Variants in KDM6A observed in about 807,000 individuals in gnomAD.
KDM6A encodes the protein lysine-specific demethylase 6A.
A neutral mutation model predicts 117.6 loss-of-function variants in KDM6A; 11 were observed. The observed-to-expected ratio is 0.09, with a 90% CI of 0.06 to 0.15. The LOEUF is 0.15. KDM6A is among the 10% of genes least tolerant of loss of function. KDM6A has a pLI of 1.00. For missense variants in KDM6A, 799 were observed against 1,077.3 expected, an observed-to-expected ratio of 0.74 and a Z score of 3.62; for synonymous variants, 384 against 396.1, an observed-to-expected ratio of 0.97 and a Z score of 0.36.
Position 44,873,475 on chromosome X carries a change from G to C in KDM6A, c.-77G>C. 8.5e-7 allele frequency: 1 copy of C among 1,173,616 alleles called. No homozygotes were observed. Among genetic ancestry groups the C allele is most frequent in the Non-Finnish European group, 1.2e-6 (1 of 864,190 alleles). On this transcript the variant is annotated 5_prime_UTR_variant, in exon 1 of 30. Coordinates refer to ENST00000611820, the MANE Select transcript of KDM6A (RefSeq NM_001291415.2). ...TAAAGTTGGTGTGCTGGTCCCGCGC[G>C]CAGATTGGGGGCGTCACTGCGGGCC...
intron 17 of KDM6A, among the ~76,000 whole-genome samples, chrX:45,066,840 C>A (rs187927467): frequency 1.1e-3 from 126 of 112,008 alleles, no homozygotes; most frequent in African/African-American, 3.7e-3. Flanking sequence ...TGTAATTTAC[C>A]ATACTAAGTA....
At chrX:44,942,064 C>T (rs531771705) in intron 2 of KDM6A, among the ~76,000 whole-genome samples, 406 of 107,642 alleles carry the variant, frequency 3.8e-3, no homozygotes, top group Non-Finnish European at 3.6e-3. Context: ...GACAGAGTCT[C>T]ACTCTGTCGC....
At chrX:44,885,564 C>G (rs1265343957) in intron 2 of KDM6A, among the ~76,000 whole-genome samples, 1 of 109,025 alleles carries the variant, frequency 9.2e-6, no homozygotes, top group Non-Finnish European at 1.9e-5. Context: ...AGTAGTATAG[C>G]CAAATATTAA....
chrX:44,880,417 G>C (rs1202955042), intron 2 of KDM6A, among the ~76,000 whole-genome samples: 3 of 108,270 alleles, frequency 2.8e-5, no homozygotes, highest in African/African-American at 1.0e-4. Flanking sequence ...GAGAAGGAGG[G>C]GAGATTTTAA....
chrX:44,911,008 T>A (rs1353026275), intron 2 of KDM6A, among the ~76,000 whole-genome samples: 1 of 112,624 alleles, frequency 8.9e-6, no homozygotes, highest in African/African-American at 3.2e-5. Flanking sequence ...CAATGAGCTG[T>A]TGGGTACACC....
intron 27 of KDM6A, among the ~76,000 whole-genome samples, chrX:45,104,576 C>A (rs927556951): frequency 8.9e-6 from 1 of 111,835 alleles, no homozygotes. Context: ...TTTTCCCTAT[C>A]CTTCAATTGA....
chrX:44,947,391 A>ATT (rs145856914), intron 2 of KDM6A, among the ~76,000 whole-genome samples: 65 of 98,403 alleles, frequency 6.6e-4, no homozygotes, highest in African/African-American at 2.1e-3. Flanking sequence ...AATAATCAGA[A>ATT]TTTTTTTTTT....
At position 45,059,123 on chromosome X, in the gene KDM6A, ATAG is replaced by A. The variant is rs2044202977; in HGVS notation, c.974+25_974+27del. The A allele has an allele frequency of 1.7e-6, 2 of 1,191,304 alleles. No individual in the cohort carries two copies. The highest frequency in any genetic ancestry group is 1.1e-6 in the Non-Finnish European group (1 of 876,981). On this transcript the variant is annotated intron_variant, in intron 11 of 29. Transcript: ENST00000611820. ...CAATAGGGTAAGCCTTTGTATAAAAATAGTAGTAATTTAATTGATATACAAAGA... is the reference window on the plus strand; with the variant it reads ...CAATAGGGTAAGCCTTTGTATAAAAATAGTAATTTAATTGATATACAAAGA...
At chrX:44,925,096 G>A (rs905504898) in intron 2 of KDM6A, among the ~76,000 whole-genome samples, 1 of 111,621 alleles carries the variant, frequency 9.0e-6, no homozygotes, top group African/African-American at 3.3e-5. Context: ...AATCGTATCC[G>A]GGTTCTAGGG....
chrX:45,045,588 GAAAA>G (rs569636939), intron 8 of KDM6A, among the ~76,000 whole-genome samples: 5 of 35,672 alleles, frequency 1.4e-4, no homozygotes, highest in Admixed American at 3.3e-4. Context: ...TCTGTCTCAA[GAAAA>G]AAAAAAAAAA....
chrX:44,989,268 G>A (rs1357453959), intron 4 of KDM6A, among the ~76,000 whole-genome samples: 1 of 101,730 alleles, frequency 9.8e-6, no homozygotes, highest in East Asian at 3.1e-4. Flanking sequence ...GTATTAGGGT[G>A]GGAGTGACCT....
intron 4 of KDM6A, among the ~76,000 whole-genome samples, chrX:44,987,001 G>T (rs1390462420): frequency 8.1e-5 from 9 of 111,314 alleles, no homozygotes; most frequent in South Asian, 3.8e-4. Flanking sequence ...GGCTAATATT[G>T]ACAGTGGGGT....
At position 45,070,320 on chromosome X, in the gene KDM6A, A is replaced by G. The variant is rs748064342; in HGVS notation, c.2821A>G (p.Ile941Val). The stretch of plus-strand genomic sequence containing the variant: ...GATCATACCATCAATGTCTGTGTCC[A>G]TATACCCCAGCTCAGCAGAAGTTCT... ...PQIIPSMSVS[I>V]YPSSAEVLKA... Residue 941 changes from isoleucine (I) to valine (V), a missense_variant, in exon 18 of 30, where the codon ATA becomes GTA. Physicochemically the swap from Ile to Val is conservative, Grantham distance 29. This residue lies in a region of KDM6A where 291 missense variants were observed against 437.9 expected (regional missense o/e 0.66). Coordinates refer to ENST00000611820, the MANE Select transcript of KDM6A (RefSeq NM_001291415.2). The G allele has an allele frequency of 3.3e-6, 4 of 1,211,370 alleles. No homozygotes were observed. The Admixed American group carries it at 6.5e-5, about 20-fold the overall frequency.
intron 2 of KDM6A, among the ~76,000 whole-genome samples, chrX:44,951,417 A>G (rs113756740): frequency 0.04 from 4,429 of 111,737 alleles, 79 homozygotes; most frequent in Middle Eastern, 0.078. Flanking sequence ...TATTTTATAC[A>G]TATACATATG....
chrX:44,932,819 G>T (rs975469863), intron 2 of KDM6A, among the ~76,000 whole-genome samples: 1 of 111,002 alleles, frequency 9.0e-6, no homozygotes, highest in Non-Finnish European at 1.9e-5. Flanking sequence ...GCAGTTTTTC[G>T]TAGTCTCAGA....
chrX:45,075,946 C>G (rs1179208146), intron 18 of KDM6A, among the ~76,000 whole-genome samples: 5 of 110,846 alleles, frequency 4.5e-5, no homozygotes, highest in Admixed American at 2.9e-4. Flanking sequence ...TTTGAAAGCT[C>G]AAAATTATTT....
At chrX:45,044,856 C>T (rs1167087195) in intron 8 of KDM6A, among the ~76,000 whole-genome samples, 6 of 111,366 alleles carry the variant, frequency 5.4e-5, no homozygotes, top group African/African-American at 6.5e-5. Context: ...TCATTTTTAA[C>T]ACTTTTCTGT....
chrX:44,932,643 A>G (rs994523881), intron 2 of KDM6A, among the ~76,000 whole-genome samples: 7 of 111,162 alleles, frequency 6.3e-5, no homozygotes, highest in African/African-American at 2.3e-4. Flanking sequence ...TATTTCACTT[A>G]GTCCCACAGC....
chrX:44,917,464 G>A (rs1321848588), intron 2 of KDM6A, among the ~76,000 whole-genome samples: 1 of 111,729 alleles, frequency 9.0e-6, no homozygotes, highest in Non-Finnish European at 1.9e-5. Flanking sequence ...TAACAGATGT[G>A]TTATATCTGT....
Sources: allele counts gnomAD v4.1 joint callset (sites outside exome capture counted in the v4.1 genomes callset), GRCh38; gene constraint gnomAD v4.1.1; regional missense constraint gnomAD v4.1.1; transcripts MANE v1.5; gene names NCBI Gene and HGNC (gene_info 2026-07-23, HGNC 2026-07-21).